NXPH1: variants seen among roughly 807,000 people sequenced by gnomAD.
The protein encoded by NXPH1 is neurexophilin-1.
A neutral mutation model predicts 23.7 loss-of-function variants in NXPH1; 5 were observed. That is an observed-to-expected ratio of 0.21 (90% confidence interval 0.11 to 0.44). NXPH1 has a LOEUF of 0.44. NXPH1 is among the 20% of genes least tolerant of loss of function. The pLI, the probability that NXPH1 is intolerant of heterozygous loss-of-function variation, is 0.99. For missense variants in NXPH1, 324 were observed against 321.6 expected, an observed-to-expected ratio of 1.01 and a Z score of -0.06; for synonymous variants, 144 against 122.2, an observed-to-expected ratio of 1.18 and a Z score of -1.18.
rs367889622 is a variant in NXPH1, at chr7:8,516,358, A to G, written c.54+80591A>G. ...GTACCTTAAGGCAATAGAATCATCAATCAATAAGAAACCAGTTACTCAGAA... is the reference window on the plus strand; with the variant it reads ...GTACCTTAAGGCAATAGAATCATCAGTCAATAAGAAACCAGTTACTCAGAA... On this transcript the variant is annotated intron_variant, in intron 2 of 2. Transcript: ENST00000405863. 2.4e-4 allele frequency among the ~76,000 whole-genome samples: 36 copies of G among 152,282 alleles called. 1 individual carries two copies. In the South Asian group the frequency reaches 7.0e-3, roughly 30 times the overall value.
chr7:8,483,322 AATTTT>A (rs748707937), intron 2 of NXPH1, among the ~76,000 whole-genome samples: 4 of 152,086 alleles, frequency 2.6e-5, no homozygotes, highest in African/African-American at 4.8e-5. Flanking sequence ...TCAAAACTAA[AATTTT>A]ATTTTATTTT....
intron 2 of NXPH1, among the ~76,000 whole-genome samples, chr7:8,708,023 C>T (rs760856941): frequency 6.6e-5 from 10 of 151,974 alleles, no homozygotes; most frequent in Non-Finnish European, 1.3e-4. Flanking sequence ...AATATGCACT[C>T]ATATATATGA....
chr7:8,485,356 C>T (rs1817141779), intron 2 of NXPH1, among the ~76,000 whole-genome samples: 1 of 152,166 alleles, frequency 6.6e-6, no homozygotes. Context: ...ATTACCCAGT[C>T]TTGGGTATGT....
chr7:8,702,581 TA>T (rs1472750579), intron 2 of NXPH1, among the ~76,000 whole-genome samples: 1 of 152,126 alleles, frequency 6.6e-6, no homozygotes, highest in Admixed American at 6.6e-5. Context: ...ATAAAGATTT[TA>T]AGATTATCTA....
chr7:8,584,992 A>T (rs1818953264), intron 2 of NXPH1, among the ~76,000 whole-genome samples: 1 of 152,180 alleles, frequency 6.6e-6, no homozygotes, highest in Non-Finnish European at 1.5e-5. Flanking sequence ...GCCTCTCTAC[A>T]GTTTAAAAAA....
chr7:8,732,082 C>T (rs190631913), intron 2 of NXPH1, among the ~76,000 whole-genome samples: 37 of 152,360 alleles, frequency 2.4e-4, no homozygotes, highest in African/African-American at 7.5e-4. Flanking sequence ...GCGCAATATT[C>T]GGGTGGGAGT....
Position 8,752,099 on chromosome 7 carries a change from C to T in NXPH1, c.*330C>T. 4.3e-6 allele frequency: 1 copy of T among 231,226 alleles called. No homozygotes were observed. Among genetic ancestry groups the T allele is most frequent in the Middle Eastern group, 1.6e-3 (1 of 620 alleles). The allele number at this position is 231,226 out of a possible 1,614,324, so 14.3% of individuals were successfully genotyped here. The stretch of plus-strand genomic sequence containing the variant: ...TTGAGAGGGCTTTCATTGTCTGACT[C>T]ATAATGGTTCAGGATCAACTATCAT... On this transcript the variant is annotated 3_prime_UTR_variant, in exon 3 of 3. Coordinates refer to ENST00000405863, the MANE Select transcript of NXPH1 (RefSeq NM_152745.3).
intron 2 of NXPH1, among the ~76,000 whole-genome samples, chr7:8,610,723 A>G (rs1819600169): frequency 6.6e-6 from 1 of 152,060 alleles, no homozygotes; most frequent in Non-Finnish European, 1.5e-5. Context: ...TATGATTAAC[A>G]TGTATTAATT....
intron 2 of NXPH1, among the ~76,000 whole-genome samples, chr7:8,650,333 A>G (rs1820472080): frequency 6.6e-6 from 1 of 152,242 alleles, no homozygotes; most frequent in African/African-American, 2.4e-5. Flanking sequence ...TCATCTACAT[A>G]GAAGAAACAA....
intron 2 of NXPH1, among the ~76,000 whole-genome samples, chr7:8,514,392 G>A (rs78478964): frequency 0.012 from 1,847 of 152,222 alleles, 36 homozygotes; most frequent in African/African-American, 0.042. Flanking sequence ...ATTCAGAGAG[G>A]TTCAGTGACA....
rs1008304138 is a variant in NXPH1, at chr7:8,710,883, C to T, written c.55-40125C>T. On this transcript the variant is annotated intron_variant, in intron 2 of 2. Coordinates refer to ENST00000405863, the MANE Select transcript of NXPH1 (RefSeq NM_152745.3). ...TTCACCGTGTTAGCCAGGATGGTCTCGATCTCCTGACCTCATGATCCACCC... is the reference window on the plus strand; with the variant it reads ...TTCACCGTGTTAGCCAGGATGGTCTTGATCTCCTGACCTCATGATCCACCC... Among the ~76,000 whole-genome samples, 2 of 114,670 alleles carry T rather than the reference C, an allele frequency of 1.7e-5. 1 individual carries two copies. The highest frequency in any genetic ancestry group is 5.8e-4 in the East Asian group (2 of 3,478). 75.2% of individuals were successfully genotyped at this position (114,670 alleles called of 152,430 possible).
intron 2 of NXPH1, among the ~76,000 whole-genome samples, chr7:8,585,832 A>G (rs1251204326): frequency 6.6e-6 from 1 of 152,196 alleles, no homozygotes; most frequent in South Asian, 2.1e-4. Flanking sequence ...CCAATTTGCA[A>G]TTTGTGACAG....
intron 2 of NXPH1, among the ~76,000 whole-genome samples, chr7:8,635,762 T>G (rs1329642763): frequency 6.6e-6 from 1 of 152,202 alleles, no homozygotes; most frequent in Non-Finnish European, 1.5e-5. Context: ...CTTTAACCAA[T>G]GGAAAGATGA....
intron 2 of NXPH1, among the ~76,000 whole-genome samples, chr7:8,551,133 C>T (rs1818269330): frequency 6.6e-6 from 1 of 151,414 alleles, no homozygotes; most frequent in Non-Finnish European, 1.5e-5. Context: ...ATGAGATCCT[C>T]AAAAAATTAA....
intron 2 of NXPH1, among the ~76,000 whole-genome samples, chr7:8,571,725 C>G (rs1361060890): frequency 6.6e-6 from 1 of 151,702 alleles, no homozygotes; most frequent in East Asian, 1.9e-4. Context: ...GTTCCTCTGT[C>G]AAGTATAAAT....
intron 2 of NXPH1, among the ~76,000 whole-genome samples, chr7:8,602,769 C>T: frequency 6.6e-6 from 1 of 152,144 alleles, no homozygotes; most frequent in East Asian, 1.9e-4. Context: ...ACCTTCATAG[C>T]TCCAATATCA....
At chr7:8,483,434 G>A (rs538435071) in intron 2 of NXPH1, among the ~76,000 whole-genome samples, 64 of 152,014 alleles carry the variant, frequency 4.2e-4, no homozygotes, top group African/African-American at 1.4e-3. Context: ...AGGCTCAAGC[G>A]GTCTACCCAC....
At chr7:8,603,733 G>A (rs773935763) in intron 2 of NXPH1, among the ~76,000 whole-genome samples, 4 of 152,004 alleles carry the variant, frequency 2.6e-5, no homozygotes, top group South Asian at 2.1e-4. Context: ...CTCTCTCCAG[G>A]ATCTTAGTAG....
intron 2 of NXPH1, among the ~76,000 whole-genome samples, chr7:8,741,252 A>G (rs1197073967): frequency 6.6e-6 from 1 of 152,144 alleles, no homozygotes; most frequent in Non-Finnish European, 1.5e-5. Context: ...CTCATCCATT[A>G]TGCATATTTC....
Sources: gnomAD v4.1 joint callset for allele counts (sites outside exome capture counted in the v4.1 genomes callset) on GRCh38, gnomAD v4.1.1 for gene constraint, MANE v1.5 for transcripts, NCBI Gene and HGNC (gene_info 2026-07-23, HGNC 2026-07-21) for gene names.